The following EIF4E1B variants were observed in gnomAD, a reference collection of about 807,000 sequenced individuals.
EIF4E1B encodes the protein eukaryotic translation initiation factor 4E type 1B.
A neutral mutation model predicts 31.3 loss-of-function variants in EIF4E1B; 22 were observed. The observed-to-expected ratio is 0.70, with a 90% CI of 0.50 to 1.00. The LOEUF (loss-of-function observed/expected upper bound fraction) is 1.00, where lower values mean the gene tolerates loss of function less well. EIF4E1B is among the 50% of genes least tolerant of loss of function. The pLI is 0.00. For missense variants in EIF4E1B, 290 were observed against 311.6 expected, an observed-to-expected ratio of 0.93 and a Z score of 0.52; for synonymous variants, 126 against 120.2, an observed-to-expected ratio of 1.05 and a Z score of -0.31.
In EIF4E1B at chr5:176,638,465, G is replaced by A. The variant is rs139421429; in HGVS notation, c.-201-3578G>A. On this transcript the variant is annotated intron_variant, in intron 1 of 8. Coordinates refer to ENST00000318682, the MANE Select transcript of EIF4E1B (RefSeq NM_001099408.2). This position sits in a 1 kb window ranked among gnomAD's most constrained non-coding sequence, Gnocchi z 4.3. The stretch of plus-strand genomic sequence containing the variant: ...AATAAACGAATAAGTAGTGTTAAGC[G>A]CTAAGAAGGAAATAGAACAGAGTGA... Among the ~76,000 whole-genome samples the A allele has an allele frequency of 2.2e-3, 342 of 152,312 alleles. 2 individuals carry two copies. Among genetic ancestry groups the A allele is most frequent in the African/African-American group, 7.5e-3 (313 of 41,574 alleles).
intron 4 of EIF4E1B, 72 bp from the exon 5 acceptor site, chr5:176,643,567 G>A (rs1760635776): frequency 1.4e-6 from 2 of 1,441,762 alleles, no homozygotes; most frequent in South Asian, 1.2e-5. Flanking sequence ...GGTCCTCCCT[G>A]TCAGTCCAGG....
intron 1 of EIF4E1B, among the ~76,000 whole-genome samples, chr5:176,640,837 T>G (rs890093655): frequency 6.6e-6 from 1 of 152,248 alleles, no homozygotes; most frequent in Non-Finnish European, 1.5e-5. Context: ...CACATTCCCT[T>G]TGCCCCAGGG....
Position 176,642,764 on chromosome 5 carries a change from C to A in EIF4E1B, c.-24C>A. The A allele has an allele frequency of 6.4e-7, 1 of 1,560,596 alleles. No individual in the cohort carries two copies. Among genetic ancestry groups the A allele is most frequent in the Non-Finnish European group, 8.7e-7 (1 of 1,152,864 alleles). ...CACAGCTGCTTCCCCAGCCCCAGGC[C>A]TGCACGAAGAAGGCACTCACTAAAT... is the stretch of plus-strand genomic sequence containing the variant. On this transcript the variant is annotated 5_prime_UTR_variant, in exon 3 of 9. It adds an upstream start codon to the 5' untranslated region. Coordinates refer to ENST00000318682, the MANE Select transcript of EIF4E1B (RefSeq NM_001099408.2).
At chr5:176,631,227 A>C (rs6886116) in intron 1 of EIF4E1B, among the ~76,000 whole-genome samples, 163 bp downstream of exon 1, 3,652 of 152,284 alleles carry the variant, frequency 0.024, 164 homozygotes, top group African/African-American at 0.084. Flanking sequence ...AGAGAGTGCA[A>C]GTGCAAAGGC....
rs1561910279 is a variant in EIF4E1B, at chr5:176,642,850, C to T, written c.15+48C>T. On this transcript the variant is annotated intron_variant, in intron 3 of 8. Transcript: ENST00000318682. ...CCCCAGTGCACCATGGCCCCGCCCTCTCCCCCCCCCCCCCCGCCCCAGGTG... is the reference window on the plus strand; with the variant it reads ...CCCCAGTGCACCATGGCCCCGCCCTTTCCCCCCCCCCCCCCGCCCCAGGTG... The T allele has an allele frequency of 1.2e-5, 15 of 1,290,350 alleles. 1 individual carries two copies. Among genetic ancestry groups the T allele is most frequent in the East Asian group, 3.2e-5 (1 of 30,832 alleles). The allele number at this position is 1,290,350 out of a possible 1,614,324, so 79.9% of individuals were successfully genotyped here.
Position 176,630,991 on chromosome 5 carries a change from C to T in EIF4E1B, c.-275C>T, listed in dbSNP as rs1160183937. On this transcript the variant is annotated 5_prime_UTR_variant, in exon 1 of 9. Coordinates refer to ENST00000318682, the MANE Select transcript of EIF4E1B (RefSeq NM_001099408.2). ...GGGGGTGTCTGTACGCGTGTGTGTTCGTGCGCTCAGTGGTGGAAGACAGGA... is the reference window on the plus strand; with the variant it reads ...GGGGGTGTCTGTACGCGTGTGTGTTTGTGCGCTCAGTGGTGGAAGACAGGA... 1 of 152,464 alleles carries T rather than the reference C, an allele frequency of 6.6e-6. No homozygotes were observed. The highest frequency in any genetic ancestry group is 2.4e-5 in the African/African-American group (1 of 41,438). The allele number at this position is 152,464 out of a possible 1,614,324, so 9.4% of individuals were successfully genotyped here.
At chr5:176,640,112 C>T (rs1408377538) in intron 1 of EIF4E1B, among the ~76,000 whole-genome samples, 2 of 152,224 alleles carry the variant, frequency 1.3e-5, no homozygotes, top group Non-Finnish European at 2.9e-5. Context: ...CAGGCCCAGG[C>T]CTTAAGAAAC....
intron 1 of EIF4E1B, among the ~76,000 whole-genome samples, chr5:176,639,986 C>G (rs1045017301): frequency 6.6e-6 from 1 of 152,188 alleles, no homozygotes; most frequent in African/African-American, 2.4e-5. Flanking sequence ...CCAGTGCTCC[C>G]TCTGTCCAAA....
intron 4 of EIF4E1B, 56 bp downstream of exon 4, chr5:176,643,322 G>A: frequency 6.4e-7 from 1 of 1,562,372 alleles, no homozygotes; most frequent in Non-Finnish European, 8.7e-7. Context: ...CAGCCTCTGT[G>A]CTGGCAGCGT....
chr5:176,643,226 C>A lies in EIF4E1B; in HGVS notation c.160C>A (p.Pro54Thr). 6.2e-7 allele frequency: 1 copy of A among 1,612,838 alleles called. No individual in the cohort carries two copies. The highest frequency in any genetic ancestry group is 1.1e-5 in the South Asian group (1 of 91,042). Residue 54 changes from proline to threonine, a missense_variant, in exon 4 of 9, where the codon CCC becomes ACC. By Grantham distance (38) the Pro-to-Thr change is conservative. Transcript: ENST00000318682. ...SLRGKARTGG[P>T]MEVKLELHPL... The stretch of plus-strand genomic sequence containing the variant: ...GAGAGGGAAGGCCCGGACGGGGGGC[C>A]CCATGGAAGTCAAGCTGGAGCTGCA...
Position 176,644,423 on chromosome 5 carries a change from A to T in EIF4E1B, c.344A>T (p.Asp115Val). Residue 115 changes from aspartate (D) to valine (V), a missense_variant, in exon 6 of 9, where the codon GAC (aspartate) becomes GTC (valine). Asp to Val is a radical substitution (Grantham distance 152). Coordinates refer to ENST00000318682, the MANE Select transcript of EIF4E1B (RefSeq NM_001099408.2). ...QLASKLSSGC[D>V]YALFKDGIQP... ...GCCAGCAAGCTCTCCTCTGGCTGTG[A>T]CTACGCCCTCTTCAAGGTAAGCTCT... 1.9e-6 allele frequency: 3 copies of T among 1,595,548 alleles called. No individual in the cohort carries two copies. Among genetic ancestry groups the T allele is most frequent in the Non-Finnish European group, 2.6e-6 (3 of 1,171,222 alleles).
At chr5:176,633,322 C>T (rs1162813242) in intron 1 of EIF4E1B, among the ~76,000 whole-genome samples, 1 of 152,172 alleles carries the variant, frequency 6.6e-6, no homozygotes, top group Admixed American at 6.5e-5. Context: ...CAGCCTCGAA[C>T]TCCTGGTCTC....
At chr5:176,635,062 C>T (rs1245483583) in intron 1 of EIF4E1B, among the ~76,000 whole-genome samples, 2 of 151,914 alleles carry the variant, frequency 1.3e-5, no homozygotes, top group Admixed American at 6.6e-5. Context: ...GTGGCTGGAG[C>T]CATAGGGCTG....
chr5:176,643,616 C>T lies in EIF4E1B; in HGVS notation c.201-23C>T, dbSNP rs767490886. On this transcript the variant is annotated intron_variant, in intron 4 of 8. Transcript: ENST00000318682. Reference sequence around the variant, plus strand: ...GACTTGGCTCTCTGCTTCCTCCTGGCTGCCTCCCCCTTCCCCTACCAGGTG... The same window carrying T: ...GACTTGGCTCTCTGCTTCCTCCTGGTTGCCTCCCCCTTCCCCTACCAGGTG... The T allele has an allele frequency of 5.0e-6, 8 of 1,585,578 alleles. No individual in the cohort carries two copies. The East Asian group carries it at 1.6e-4, about 32-fold the overall frequency.
At chr5:176,635,609 T>C (rs1193098824) in intron 1 of EIF4E1B, among the ~76,000 whole-genome samples, 1 of 152,164 alleles carries the variant, frequency 6.6e-6, no homozygotes, top group African/African-American at 2.4e-5. Flanking sequence ...ACAAGTCCAG[T>C]GGTGGGCAGT....
At position 176,643,152 on chromosome 5, in the gene EIF4E1B, C is replaced by T. The variant is rs767320217; in HGVS notation, c.86C>T (p.Thr29Met). The T allele has an allele frequency of 7.0e-5, 113 of 1,613,734 alleles. No individual in the cohort carries two copies. Among genetic ancestry groups the T allele is most frequent in the Non-Finnish European group, 8.5e-5 (100 of 1,179,878 alleles). Residue 29 changes from threonine (T) to methionine (M), a missense_variant, in exon 4 of 9, where the codon ACG becomes ATG. Thr to Met is a moderately conservative substitution (Grantham distance 81). Transcript: ENST00000318682. Reference sequence around the variant, plus strand: ...AAGGAGGAGGAGGCAGCAGAGAGGACGCCCACAGGAGAAAAGTCTCCAAAC... The same window carrying T: ...AAGGAGGAGGAGGCAGCAGAGAGGATGCCCACAGGAGAAAAGTCTCCAAAC... ...EEKEEEAAER[T>M]PTGEKSPNSP...
chr5:176,643,623 C>A lies in EIF4E1B; in HGVS notation c.201-16C>A. 1 of 1,593,612 alleles carries A rather than the reference C, an allele frequency of 6.3e-7. No homozygotes were observed. Among genetic ancestry groups the A allele is most frequent in the East Asian group, 2.3e-5 (1 of 43,938 alleles). On this transcript the variant is annotated splice_polypyrimidine_tract_variant and intron_variant, in intron 4 of 8. Transcript: ENST00000318682. Reference sequence around the variant, plus strand: ...CTCTCTGCTTCCTCCTGGCTGCCTCCCCCTTCCCCTACCAGGTGGGCTCTG... The same window carrying A: ...CTCTCTGCTTCCTCCTGGCTGCCTCACCCTTCCCCTACCAGGTGGGCTCTG...
Position 176,643,643 on chromosome 5 carries a change from G to C in EIF4E1B, c.205G>C (p.Ala69Pro). The change falls in exon 5 of 9, where the codon GCT (alanine) becomes CCT (proline). Residue 69 changes from alanine (A) to proline (P), a missense_variant. Ala to Pro is a conservative substitution (Grantham distance 27). Coordinates refer to ENST00000318682, the MANE Select transcript of EIF4E1B (RefSeq NM_001099408.2). Reference sequence around the variant, plus strand: ...GCCTCCCCCTTCCCCTACCAGGTGGGCTCTGTGGTTCTTCAAGAATGACCG... The same window carrying C: ...GCCTCCCCCTTCCCCTACCAGGTGGCCTCTGTGGTTCTTCAAGAATGACCG... ...LELHPLQNRW[A>P]LWFFKNDRSR... 6.2e-7 allele frequency: 1 copy of C among 1,606,532 alleles called. No individual in the cohort carries two copies. Among genetic ancestry groups the C allele is most frequent in the Non-Finnish European group, 8.5e-7 (1 of 1,176,458 alleles).
rs1025245757 is a variant in EIF4E1B, at chr5:176,643,803, G to A, written c.296+69G>A. On this transcript the variant is annotated intron_variant, in intron 5 of 8. Coordinates refer to ENST00000318682, the MANE Select transcript of EIF4E1B (RefSeq NM_001099408.2). Reference sequence around the variant, plus strand: ...GCTCTGGGCTCCCTCTCTCCGGGTTGAGCCAGCCCTCCCTAGGGCCTTTCA... The same window carrying A: ...GCTCTGGGCTCCCTCTCTCCGGGTTAAGCCAGCCCTCCCTAGGGCCTTTCA... 70 of 1,511,862 alleles carry A rather than the reference G, an allele frequency of 4.6e-5. 1 individual carries two copies. The highest frequency in any genetic ancestry group is 5.8e-5 in the Non-Finnish European group (64 of 1,108,874). 93.7% of individuals were successfully genotyped at this position (1,511,862 alleles called of 1,614,324 possible).
Sources: allele counts gnomAD v4.1 joint callset (sites outside exome capture counted in the v4.1 genomes callset), GRCh38; gene constraint gnomAD v4.1.1; non-coding constraint Gnocchi (gnomAD v3.1); transcripts MANE v1.5; gene names NCBI Gene and HGNC (gene_info 2026-07-23, HGNC 2026-07-21).